The following DMD variants were observed in gnomAD, a reference collection of about 807,000 sequenced individuals.
DMD encodes the protein dystrophin.
Under a neutral mutation model 330.1 loss-of-function variants are expected in DMD, and 63 were observed. That is an observed-to-expected ratio of 0.19 (90% CI 0.16 to 0.24). The LOEUF (loss-of-function observed/expected upper bound fraction) is 0.24. Among genes scored for constraint, DMD ranks in the 10% least tolerant of loss-of-function variants. The pLI, the probability that DMD is intolerant of heterozygous loss-of-function variation, is 1.00. For synonymous variants in DMD, 1,223 were observed against 959.8 expected, an observed-to-expected ratio of 1.27 and a Z score of -5.07; for missense variants, 3,344 against 2,684.1, an observed-to-expected ratio of 1.25 and a Z score of -5.43.
intron 53 of DMD, 78 bp downstream of exon 53, chrX:31,679,297 C>G: frequency 1.1e-6 from 1 of 874,846 alleles, no homozygotes; most frequent in Non-Finnish European, 1.6e-6. Flanking sequence ...CATTAAACAT[C>G]ATTAAATTAC....
At chrX:31,235,646 G>A (rs2047654470) in intron 63 of DMD, among the ~76,000 whole-genome samples, 1 of 111,885 alleles carries the variant, frequency 8.9e-6, no homozygotes, top group African/African-American at 3.2e-5. Flanking sequence ...TTAAGCTGTC[G>A]ATGACATTGA....
intron 55 of DMD, among the ~76,000 whole-genome samples, chrX:31,522,363 C>CTCTCTCTCTCTCTCTATATA: frequency 3.3e-4 from 12 of 35,964 alleles, no homozygotes; most frequent in African/African-American, 5.7e-4. Flanking sequence ...CTCTCTCTCT[C>CTCTCTCTCTCTCTCTATATA]TATATATATA....
intron 48 of DMD, among the ~76,000 whole-genome samples, chrX:31,837,304 C>T (rs1269964479): frequency 9.0e-6 from 1 of 111,499 alleles, no homozygotes; most frequent in Admixed American, 9.6e-5. Flanking sequence ...AAAGGGTAAA[C>T]ACTTAAAGCA....
intron 17 of DMD, among the ~76,000 whole-genome samples, chrX:32,531,975 T>C (rs2047524119): frequency 9.0e-6 from 1 of 111,345 alleles, no homozygotes; most frequent in Non-Finnish European, 1.9e-5. Context: ...TTTCCCAATT[T>C]ATTATTACCT....
At chrX:32,899,545 G>A (rs1450961732) in intron 2 of DMD, among the ~76,000 whole-genome samples, 1 of 108,079 alleles carries the variant, frequency 9.3e-6, no homozygotes, top group Non-Finnish European at 1.9e-5. Context: ...GTGGTGGCAC[G>A]TGCCTGTAGT....
chrX:33,009,069 CAT>C (rs1272749683), intron 2 of DMD, among the ~76,000 whole-genome samples: 2 of 58,397 alleles, frequency 3.4e-5, no homozygotes, highest in East Asian at 6.4e-4. Context: ...TGCATACACA[CAT>C]ATACATATAT....
At chrX:32,086,096 A>T (rs1258250047) in intron 44 of DMD, among the ~76,000 whole-genome samples, 2 of 112,226 alleles carry the variant, frequency 1.8e-5, no homozygotes, top group Admixed American at 1.9e-4. Flanking sequence ...CATATATTGT[A>T]TAATTCAGCA....
intron 30 of DMD, among the ~76,000 whole-genome samples, chrX:32,398,080 C>A (rs958506974): frequency 1.4e-4 from 15 of 109,523 alleles, no homozygotes; most frequent in African/African-American, 4.6e-4. Context: ...ACTTAGAAAA[C>A]GAAAGAAACA....
intron 44 of DMD, among the ~76,000 whole-genome samples, chrX:32,205,005 T>TCTCTCTCACA (rs60181300): frequency 1.8e-3 from 54 of 29,195 alleles, no homozygotes; most frequent in Admixed American, 4.4e-3. Flanking sequence ...TCTCTCTCTC[T>TCTCTCTCACA]CACATACACA....
At chrX:33,017,014 G>T (rs2093816683) in intron 2 of DMD, among the ~76,000 whole-genome samples, 1 of 111,852 alleles carries the variant, frequency 8.9e-6, no homozygotes, top group Non-Finnish European at 1.9e-5. Context: ...TTGTGTTTAT[G>T]TGGAGATAAA....
intron 44 of DMD, among the ~76,000 whole-genome samples, chrX:32,111,297 G>A (rs1301734651): frequency 8.9e-6 from 1 of 111,781 alleles, no homozygotes; most frequent in Non-Finnish European, 1.9e-5. Context: ...TTTCTCCGTG[G>A]CTTCTCCCAA....
At chrX:33,097,827 G>A (rs771218459) in intron 1 of DMD, among the ~76,000 whole-genome samples, 1 of 109,327 alleles carries the variant, frequency 9.1e-6, no homozygotes, top group African/African-American at 3.3e-5. Flanking sequence ...TGCTGGCCAG[G>A]CTGGTCTCAA....
At chrX:32,991,747 C>T (rs1040722970) in intron 2 of DMD, among the ~76,000 whole-genome samples, 2 of 111,539 alleles carry the variant, frequency 1.8e-5, no homozygotes, top group African/African-American at 6.5e-5. Flanking sequence ...TGTTTTATGA[C>T]TTAAAAAAAT....
At chrX:32,850,652 C>G (rs1431088905) in intron 2 of DMD, among the ~76,000 whole-genome samples, 1 of 111,517 alleles carries the variant, frequency 9.0e-6, no homozygotes, top group African/African-American at 3.3e-5. Flanking sequence ...CTTGTTCTTT[C>G]AATCTTATGT....
chrX:32,137,151 C>CT (rs984323180), intron 44 of DMD, among the ~76,000 whole-genome samples: 3 of 111,883 alleles, frequency 2.7e-5, no homozygotes, highest in African/African-American at 9.7e-5. Flanking sequence ...CTGAATTAAA[C>CT]TATACAAGTT....
chrX:32,053,580 C>T (rs761835325), intron 44 of DMD, among the ~76,000 whole-genome samples: 32 of 110,903 alleles, frequency 2.9e-4, no homozygotes, highest in African/African-American at 9.8e-4. Flanking sequence ...TGTTTTTTCT[C>T]GCCCACTCTC....
intron 62 of DMD, among the ~76,000 whole-genome samples, chrX:31,280,067 C>T (rs113144573): frequency 0.014 from 1,550 of 111,858 alleles, 29 homozygotes; most frequent in African/African-American, 0.047. Context: ...CAAGAAAGAA[C>T]GTTAGAAACT....
chrX:33,313,144 T>G (rs942691191), intron 1 of DMD, among the ~76,000 whole-genome samples: 1 of 111,649 alleles, frequency 9.0e-6, no homozygotes, highest in African/African-American at 3.3e-5. Flanking sequence ...CTATGAGCAT[T>G]GATTTTAGGG....
At chrX:31,463,400 A>G (rs1034238669) in intron 59 of DMD, among the ~76,000 whole-genome samples, 2 of 112,251 alleles carry the variant, frequency 1.8e-5, no homozygotes, top group Non-Finnish European at 3.8e-5. Context: ...TTTACCAAGA[A>G]AAATTATTCA....
Sources: gnomAD v4.1 joint callset for allele counts (sites outside exome capture counted in the v4.1 genomes callset) on GRCh38, gnomAD v4.1.1 for gene constraint, MANE v1.5 for transcripts, NCBI Gene and HGNC (gene_info 2026-07-23, HGNC 2026-07-21) for gene names.